Variants in PVT1 observed in about 807,000 individuals in gnomAD.
The protein encoded by PVT1 is CXCR4/PVT1 fusion.
chr8:128,058,801 C>A (rs996507981), intron 4 of PVT1, among the ~76,000 whole-genome samples: 3 of 152,128 alleles, frequency 2.0e-5, no homozygotes, highest in Non-Finnish European at 2.9e-5. Flanking sequence ...CCCTCCACCC[C>A]CAGCATGACA....
At chr8:127,844,823 C>T (rs1815013645) in intron 2 of PVT1, among the ~76,000 whole-genome samples, 1 of 152,156 alleles carries the variant, frequency 6.6e-6, no homozygotes, top group Admixed American at 6.5e-5. Flanking sequence ...ATGCCATTCT[C>T]CTGCCTCAGC....
chr8:127,960,785 A>G (rs1816631210), intron 3 of PVT1: 5 of 378,502 alleles, frequency 1.3e-5, no homozygotes, highest in Non-Finnish European at 2.7e-5. Flanking sequence ...TTTCCTGGAC[A>G]CTTCAAAACA....
chr8:127,986,808 A>G lies in PVT1; in HGVS notation n.783-2354A>G, dbSNP rs939707070. 2.0e-5 allele frequency among the ~76,000 whole-genome samples: 3 copies of G among 152,334 alleles called. No homozygotes were observed. The East Asian group carries it at 5.8e-4, about 29-fold the overall frequency. On this transcript the variant is annotated intron_variant and non_coding_transcript_variant, in intron 3 of 10. Coordinates refer to ENST00000651587, the Ensembl canonical transcript of PVT1. The stretch of plus-strand genomic sequence containing the variant: ...AGAAATTTTAATTTCCTTAATTTCC[A>G]TGGAACATTGCTTTGTGTGTGTGGC...
intron 2 of PVT1, among the ~76,000 whole-genome samples, chr8:127,880,076 C>T (rs1159839345): frequency 6.6e-6 from 1 of 152,062 alleles, no homozygotes; most frequent in East Asian, 1.9e-4. Context: ...TCCTCAGCTT[C>T]TGCCAGCCCG....
intron 2 of PVT1, chr8:127,855,044 C>G: frequency 2.5e-6 from 1 of 396,670 alleles, no homozygotes. Context: ...GGATTTGACC[C>G]CAGACCTGTC....
At chr8:127,914,587 A>G (rs1361796223) in intron 3 of PVT1, among the ~76,000 whole-genome samples, 2 of 152,200 alleles carry the variant, frequency 1.3e-5, no homozygotes, top group East Asian at 3.8e-4. Flanking sequence ...AGAATAGCAA[A>G]CAGTATTCAA....
At chr8:127,821,925 A>G (rs1160521677) in intron 2 of PVT1, among the ~76,000 whole-genome samples, 2 of 152,216 alleles carry the variant, frequency 1.3e-5, no homozygotes, top group Non-Finnish European at 2.9e-5. Flanking sequence ...TGTGCAGGGT[A>G]CAATCTGCAC....
At chr8:128,031,209 C>T (rs946661028) in intron 4 of PVT1, among the ~76,000 whole-genome samples, 3 of 152,128 alleles carry the variant, frequency 2.0e-5, no homozygotes, top group Non-Finnish European at 2.9e-5. Flanking sequence ...GGCTGCGTGG[C>T]GGGTGGCGGG....
At chr8:127,978,348 C>G (rs1291857423) in intron 3 of PVT1, among the ~76,000 whole-genome samples, 2 of 151,840 alleles carry the variant, frequency 1.3e-5, no homozygotes, top group African/African-American at 2.4e-5. Context: ...TTTGTAGAGA[C>G]AGTATCTCAC....
At chr8:128,027,454 T>C (rs1212348750) in intron 4 of PVT1, among the ~76,000 whole-genome samples, 1 of 152,194 alleles carries the variant, frequency 6.6e-6, no homozygotes, top group Non-Finnish European at 1.5e-5. Context: ...CTCCTACCCA[T>C]GCACTGATGG....
intron 4 of PVT1, among the ~76,000 whole-genome samples, chr8:128,011,780 T>C (rs535250067): frequency 2.0e-5 from 3 of 152,260 alleles, no homozygotes; most frequent in South Asian, 4.2e-4. Flanking sequence ...ATATACTTCT[T>C]GTGGCCCCAA....
At chr8:127,881,457 TA>T (rs1563629316) in intron 2 of PVT1, among the ~76,000 whole-genome samples, 50 of 147,730 alleles carry the variant, frequency 3.4e-4, no homozygotes, top group African/African-American at 1.0e-3. Flanking sequence ...TTATTATTAT[TA>T]TTATTATTTC....
At chr8:128,018,457 G>A (rs975204520) in intron 4 of PVT1, among the ~76,000 whole-genome samples, 16 of 152,186 alleles carry the variant, frequency 1.1e-4, no homozygotes, top group African/African-American at 3.4e-4. Flanking sequence ...ACATGTAACA[G>A]CTTCTTTACC....
At chr8:127,971,837 G>A (rs971259026) in intron 3 of PVT1, among the ~76,000 whole-genome samples, 3 of 152,100 alleles carry the variant, frequency 2.0e-5, no homozygotes, top group Non-Finnish European at 4.4e-5. Context: ...TGTTATTATC[G>A]AGGCTTCAGG....
At chr8:127,956,932 A>G (rs939782945) in intron 3 of PVT1, among the ~76,000 whole-genome samples, 2 of 152,144 alleles carry the variant, frequency 1.3e-5, no homozygotes, top group Non-Finnish European at 2.9e-5. Context: ...CATAGGCCTC[A>G]TTATTATGGT....
At chr8:127,824,091 G>A (rs954977504) in intron 2 of PVT1, among the ~76,000 whole-genome samples, 1 of 152,086 alleles carries the variant, frequency 6.6e-6, no homozygotes, top group Non-Finnish European at 1.5e-5. Context: ...TGAGGTGAGA[G>A]GATTGCTCGA....
At chr8:128,100,141 T>TCCTCCCTCCATCCCTCCCTCCCTC (rs1814485480) in intron 6 of PVT1, among the ~76,000 whole-genome samples, 1 of 128,516 alleles carries the variant, frequency 7.8e-6, no homozygotes, top group African/African-American at 2.9e-5. Flanking sequence ...CTCCCTCCCT[T>TCCTCCCTCCATCCCTCCCTCCCTC]CCTTCCTTCC....
At chr8:127,904,003 A>C (rs544180811) in intron 3 of PVT1, among the ~76,000 whole-genome samples, 22 of 152,326 alleles carry the variant, frequency 1.4e-4, no homozygotes, top group Admixed American at 1.4e-3. Flanking sequence ...TGAATCTATA[A>C]ATTGCTTTGG....
rs186539138 is a variant in PVT1, at chr8:128,076,291, T to G, written n.1114+5930T>G. ...TGGGCCTACACACTGCCACCAGGAT[T>G]GACATAAAGAATGTCCTGTTAGCTC... On this transcript the variant is annotated intron_variant and non_coding_transcript_variant, in intron 5 of 10. Transcript: ENST00000651587. Among the ~76,000 whole-genome samples the G allele has an allele frequency of 5.9e-5, 9 of 152,278 alleles. No homozygotes were observed. In the East Asian group the frequency reaches 1.5e-3, roughly 26 times the overall value.
Sources: allele counts gnomAD v4.1 joint callset (sites outside exome capture counted in the v4.1 genomes callset), GRCh38; gene constraint gnomAD v4.1.1; transcripts MANE v1.5; gene names NCBI Gene and HGNC (gene_info 2026-07-23, HGNC 2026-07-21).